The following DLG5 variants were observed in gnomAD, a reference collection of about 807,000 sequenced individuals.
DLG5 encodes discs large MAGUK scaffold protein 5.
Under a neutral mutation model 189.8 loss-of-function variants are expected in DLG5, and 48 were observed. The observed-to-expected ratio is 0.25, with a 90% confidence interval of 0.20 to 0.32. The LOEUF is 0.32. Among genes scored for constraint, DLG5 ranks in the 10% least tolerant of loss-of-function variants. DLG5 has a pLI of 1.00. For missense variants in DLG5, 2,160 were observed against 2,544.7 expected (o/e 0.85, Z 3.25); for synonymous variants, 1,016 against 1,054.1 (o/e 0.96, Z 0.70).
chr10:77,867,922 G>A (rs915291193), intron 2 of DLG5: 1 of 456,598 alleles, frequency 2.2e-6, no homozygotes, highest in Non-Finnish European at 4.4e-6. Context: ...CTTATTAAAA[G>A]GGGAAATTTG....
rs1844134658 is a variant in DLG5 at position 77,854,486 on chromosome 10, C to A, written c.537-116G>T. The A allele has an allele frequency of 3.8e-6, 5 of 1,318,362 alleles. No individual in the cohort carries two copies. The Admixed American group carries it at 1.1e-4, about 29-fold the overall frequency. The allele number at this position is 1,318,362 out of a possible 1,614,324, so 81.7% of individuals were successfully genotyped here. A position where few individuals can be genotyped will look rare whatever the true frequency, so the allele number is the denominator to read the frequency against. On this transcript the variant is annotated intron_variant, in intron 3 of 31. Coordinates refer to ENST00000372391, the MANE Select transcript of DLG5 (RefSeq NM_004747.4). ...TTCCCCAGTACTGGTCTTCTATGCA[C>A]CACACACACCTGGGTGTTTGTTAAA...
At chr10:77,873,799 A>G (rs12242490) in intron 1 of DLG5, among the ~76,000 whole-genome samples, 4,980 of 152,270 alleles carry the variant, frequency 0.033, 273 homozygotes, top group African/African-American at 0.11. Context: ...AGAAAGGCAG[A>G]GAGCTGACGG....
intron 27 of DLG5, among the ~76,000 whole-genome samples, chr10:77,801,050 G>T (rs758290559): frequency 6.6e-6 from 1 of 152,156 alleles, no homozygotes. Context: ...AACATCACTC[G>T]GAGCCCTGAA....
chr10:77,871,887 A>G (rs1844916626), intron 1 of DLG5, among the ~76,000 whole-genome samples: 1 of 152,108 alleles, frequency 6.6e-6, no homozygotes, highest in Non-Finnish European at 1.5e-5. Flanking sequence ...TATATCATAC[A>G]CATTACATGT....
intron 2 of DLG5, among the ~76,000 whole-genome samples, chr10:77,859,465 C>T (rs1431458677): frequency 2.0e-5 from 3 of 152,138 alleles, no homozygotes; most frequent in African/African-American, 7.2e-5. Context: ...TACAGGTGGA[C>T]CATTTTTTAT....
chr10:77,855,636 A>T (rs530893995), intron 3 of DLG5, among the ~76,000 whole-genome samples: 1 of 152,340 alleles, frequency 6.6e-6, no homozygotes, highest in East Asian at 1.9e-4. Flanking sequence ...GCCAACTCTC[A>T]TGTGCTAGCA....
intron 5 of DLG5, among the ~76,000 whole-genome samples, chr10:77,848,848 G>A (rs1255128156): frequency 6.6e-6 from 1 of 152,082 alleles, no homozygotes; most frequent in Non-Finnish European, 1.5e-5. Flanking sequence ...AGCTAGGCTG[G>A]ATCTGAGTAG....
In DLG5 at chr10:77,806,718, A is replaced by ACGC; in HGVS notation, c.4967+39_4967+40insGCG. 2.2e-4 allele frequency: 289 copies of ACGC among 1,333,580 alleles called. 1 individual carries two copies. Among genetic ancestry groups the ACGC allele is most frequent in the Non-Finnish European group, 2.8e-4 (264 of 936,070 alleles). The allele number at this position is 1,333,580 out of a possible 1,614,324, so 82.6% of individuals were successfully genotyped here. A position where few individuals can be genotyped will look rare whatever the true frequency, so the allele number is the denominator to read the frequency against. The stretch of plus-strand genomic sequence containing the variant: ...GCTCCATGGCTGGTGGCCCTCGGCG[A>ACGC]CCCCTGCCCCACCCCACCCCAGGCC... On this transcript the variant is annotated intron_variant, in intron 26 of 31. Transcript: ENST00000372391.
intron 4 of DLG5, 59 bp downstream of exon 4, chr10:77,854,168 A>T: frequency 2.5e-6 from 4 of 1,587,682 alleles, no homozygotes; most frequent in Non-Finnish European, 3.4e-6. Flanking sequence ...CAGAGAAAAG[A>T]AGGGCAAAGG....
chr10:77,822,124 T>TGA (rs754210749), intron 14 of DLG5, 23 bp from the exon 15 acceptor site: 21 of 1,590,004 alleles, frequency 1.3e-5, no homozygotes, highest in African/African-American at 2.7e-5. Flanking sequence ...TGCAGAGGAG[T>TGA]GAGAGAGAGA....
intron 20 of DLG5, among the ~76,000 whole-genome samples, chr10:77,815,154 G>T (rs745519849): frequency 6.6e-6 from 1 of 152,178 alleles, no homozygotes; most frequent in Non-Finnish European, 1.5e-5. Flanking sequence ...ACTTGGGGAA[G>T]GTCCCGTCCT....
At chr10:77,899,003 C>T (rs1033444380) in intron 1 of DLG5, among the ~76,000 whole-genome samples, 4 of 152,226 alleles carry the variant, frequency 2.6e-5, no homozygotes, top group African/African-American at 9.6e-5. Context: ...CTGCCACTCT[C>T]CACGTACTCA....
At chr10:77,853,604 AT>A (rs1844088527) in intron 4 of DLG5, 67 bp from the exon 5 acceptor site, 3 of 1,412,174 alleles carry the variant, frequency 2.1e-6, no homozygotes, top group Middle Eastern at 2.3e-4. Context: ...ACCCCAGGGC[AT>A]CACCAGCCTC....
At chr10:77,866,505 C>T (rs1255643502) in intron 2 of DLG5, among the ~76,000 whole-genome samples, 4 of 152,174 alleles carry the variant, frequency 2.6e-5, no homozygotes, top group African/African-American at 9.7e-5. Flanking sequence ...ATAAGAACCC[C>T]GCCTTCTTCT....
intron 1 of DLG5, among the ~76,000 whole-genome samples, chr10:77,906,896 G>A (rs187959061): frequency 6.6e-6 from 1 of 152,128 alleles, no homozygotes; most frequent in East Asian, 1.9e-4. Context: ...AGAGTGCTGG[G>A]ATTACAGGTA....
At chr10:77,931,066 C>G (rs1212025070), upstream of DLG5, among the ~76,000 whole-genome samples, 1 of 151,714 alleles carries the variant, frequency 6.6e-6, no homozygotes, top group Non-Finnish European at 1.5e-5. Context: ...GTGATCTGCC[C>G]TCCTCGGCCT....
At chr10:77,884,514 C>T (rs1033944224) in intron 1 of DLG5, among the ~76,000 whole-genome samples, 2 of 152,086 alleles carry the variant, frequency 1.3e-5, no homozygotes, top group African/African-American at 4.8e-5. Context: ...TTCTACAGAC[C>T]TGTCCACCTC....
At chr10:77,819,805 T>G in intron 16 of DLG5, 90 bp downstream of exon 16, 1 of 1,488,574 alleles carries the variant, frequency 6.7e-7, no homozygotes, top group Non-Finnish European at 8.9e-7. Flanking sequence ...ACATGGCAGC[T>G]CTCTGAAATG....
At chr10:77,897,462 C>CA (rs1845795834) in intron 1 of DLG5, among the ~76,000 whole-genome samples, 1 of 152,080 alleles carries the variant, frequency 6.6e-6, no homozygotes, top group Non-Finnish European at 1.5e-5. Context: ...TCATGTACCC[C>CA]AAAAGGGAAA....
Sources: allele counts gnomAD v4.1 joint callset (sites outside exome capture counted in the v4.1 genomes callset), GRCh38; gene constraint gnomAD v4.1.1; transcripts MANE v1.5; gene names NCBI Gene and HGNC (gene_info 2026-07-23, HGNC 2026-07-21).